The following MSMO1 variants were observed in gnomAD, a reference collection of about 807,000 sequenced individuals.
The protein encoded by MSMO1 is methylsterol monooxygenase 1, also known as C-4 methylsterol oxidase.
MSMO1 carries 18 observed loss-of-function variants against 30.4 expected under a neutral mutation model. That is an observed-to-expected ratio of 0.59 (90% CI 0.41 to 0.88). MSMO1 has a LOEUF of 0.88. Among genes scored for constraint, MSMO1 ranks in the 40% least tolerant of loss-of-function variants. The pLI is 0.00. For synonymous variants in MSMO1, 84 were observed against 107.9 expected (o/e 0.78, Z 1.37); for missense variants, 284 against 340.5 (o/e 0.83, Z 1.31).
chr4:165,335,995 G>A (rs1747533899), intron 2 of MSMO1, among the ~76,000 whole-genome samples: 1 of 152,140 alleles, frequency 6.6e-6, no homozygotes, highest in Non-Finnish European at 1.5e-5. Context: ...TTAACATTGA[G>A]GGTATCAATT....
At chr4:165,338,514 A>G (rs1747624455) in intron 3 of MSMO1, 138 bp from the exon 4 acceptor site, 1 of 694,698 alleles carries the variant, frequency 1.4e-6, no homozygotes, top group Non-Finnish European at 2.5e-6. Flanking sequence ...GAATTTATTT[A>G]TGAATATATC....
chr4:165,330,861 G>T (rs1324636118), intron 1 of MSMO1, among the ~76,000 whole-genome samples: 1 of 152,166 alleles, frequency 6.6e-6, no homozygotes, highest in Non-Finnish European at 1.5e-5. Flanking sequence ...AAGGTGCTGG[G>T]ATTACAGGCG....
At chr4:165,329,992 G>A (rs1747347896) in intron 1 of MSMO1, among the ~76,000 whole-genome samples, 1 of 152,104 alleles carries the variant, frequency 6.6e-6, no homozygotes. Context: ...AATGCAGATT[G>A]CAGTTGCTAG....
chr4:165,341,694 A>G (rs1454763110), intron 5 of MSMO1, 57 bp from the exon 6 acceptor site: 1 of 1,469,930 alleles, frequency 6.8e-7, no homozygotes, highest in Admixed American at 1.7e-5. Context: ...ATTAATAAAA[A>G]CAACAATCAT....
At chr4:165,335,997 G>T (rs1579215419) in intron 2 of MSMO1, among the ~76,000 whole-genome samples, 1 of 152,110 alleles carries the variant, frequency 6.6e-6, no homozygotes, top group Non-Finnish European at 1.5e-5. Flanking sequence ...AACATTGAGG[G>T]TATCAATTGT....
At position 165,333,501 on chromosome 4, in the gene MSMO1, A is replaced by G. The variant is rs1325161528; in HGVS notation, c.131A>G (p.Tyr44Cys). The G allele has an allele frequency of 1.2e-5, 20 of 1,613,676 alleles. No individual in the cohort carries two copies. The highest frequency in any genetic ancestry group is 1.7e-5 in the Non-Finnish European group (20 of 1,179,786). Residue 44 changes from tyrosine (Y) to cysteine (C), a missense_variant, in exon 2 of 6, where the codon TAT (tyrosine) becomes TGT (cysteine). By Grantham distance (194) the Tyr-to-Cys change is radical. Coordinates refer to ENST00000261507, the MANE Select transcript of MSMO1 (RefSeq NM_006745.5). ...GCTTGGAACTATATGTTGAATAATT[A>G]TACAAAGTTCCAGATTGCAACATGG... ...KNAWNYMLNN[Y>C]TKFQIATWGS...
chr4:165,341,809 C>T lies in MSMO1; in HGVS notation c.745C>T (p.His249Tyr), dbSNP rs1747722156. 1 of 1,613,530 alleles carries T rather than the reference C, an allele frequency of 6.2e-7. No homozygotes were observed. The highest frequency in any genetic ancestry group is 8.5e-7 in the Non-Finnish European group (1 of 1,179,690). ...NLIPFYAGSR[H>Y]HDFHHMNFIG... The stretch of plus-strand genomic sequence containing the variant: ...GATCCCTTTCTATGCTGGTTCTCGG[C>T]ATCATGATTTCCACCACATGAACTT... The change falls in exon 6 of 6, where the codon CAT becomes TAT. Residue 249 changes from histidine (H) to tyrosine (Y), a missense_variant. Physicochemically the swap from His to Tyr is moderately conservative, Grantham distance 83 (BLOSUM62 2). Coordinates refer to ENST00000261507, the MANE Select transcript of MSMO1 (RefSeq NM_006745.5).
Position 165,334,882 on chromosome 4 carries a change from A to G in MSMO1, c.255+1257A>G, listed in dbSNP as rs183968192. On this transcript the variant is annotated intron_variant, in intron 2 of 5. Coordinates refer to ENST00000261507, the MANE Select transcript of MSMO1 (RefSeq NM_006745.5). Reference sequence around the variant, plus strand: ...TTAGTACAATTGGCCCTCCATATCCATGGGTTGTTGTATCCATGGATCCAA... The same window carrying G: ...TTAGTACAATTGGCCCTCCATATCCGTGGGTTGTTGTATCCATGGATCCAA... 5.9e-3 allele frequency among the ~76,000 whole-genome samples: 903 copies of G among 152,284 alleles called. 32 individuals are homozygous for G. Among genetic ancestry groups the G allele is most frequent in the Non-Finnish European group, 2.0e-3 (135 of 68,010 alleles).
Position 165,338,672 on chromosome 4 carries a change from GCT to G in MSMO1, c.426_427del (p.Phe143TrpfsTer6). ...TAAAGGTATTTTCTTTTGGCAAGATGCTTTGGTTGTGCAGTCATTGAAGATAC... is the reference window on the plus strand; with the variant it reads ...TAAAGGTATTTTCTTTTGGCAAGATGTTGGTTGTGCAGTCATTGAAGATAC... On this transcript the variant is annotated frameshift_variant, in exon 4 of 6. Transcript: ENST00000261507. LOFTEE classifies it high-confidence loss of function. 17 of 1,609,802 alleles carry G rather than the reference GCT, an allele frequency of 1.1e-5. No individual in the cohort carries two copies. Among genetic ancestry groups the G allele is most frequent in the Non-Finnish European group, 1.4e-5 (16 of 1,176,300 alleles).
In MSMO1 at chr4:165,342,277, A is replaced by T. The variant is rs1747736025; in HGVS notation, c.*331A>T. 1 of 222,908 alleles carries T rather than the reference A, an allele frequency of 4.5e-6. No homozygotes were observed. The highest frequency in any genetic ancestry group is 2.7e-5 in the African/African-American group (1 of 37,328). 13.8% of individuals were successfully genotyped at this position (222,908 alleles called of 1,614,324 possible). On this transcript the variant is annotated 3_prime_UTR_variant, in exon 6 of 6. Transcript: ENST00000261507. ...CAGTAAAACCATAGGCCTGAAGTTC[A>T]CATTGGGTCTTTAAATCTTTTAGAT...
chr4:165,331,985 AACACTGTCCCCTACTCCACC>A (rs1307209668), intron 1 of MSMO1, among the ~76,000 whole-genome samples: 1 of 151,370 alleles, frequency 6.6e-6, no homozygotes, highest in African/African-American at 2.4e-5. Context: ...TGTCTTCCAT[AACACTGTCCCCTACTCCACC>A]ACACTGTCTC....
At chr4:165,332,252 A>G (rs922078144) in intron 1 of MSMO1, among the ~76,000 whole-genome samples, 2 of 152,346 alleles carry the variant, frequency 1.3e-5, no homozygotes, top group Middle Eastern at 3.4e-3. Flanking sequence ...GGCTCTTGCT[A>G]TGCATACTGT....
At chr4:165,341,718 A>G in intron 5 of MSMO1, 33 bp from the exon 6 acceptor site, 2 of 1,525,882 alleles carry the variant, frequency 1.3e-6, no homozygotes, top group Non-Finnish European at 1.8e-6. Context: ...AGATGTATTT[A>G]TTCCTTAATA....
intron 1 of MSMO1, among the ~76,000 whole-genome samples, chr4:165,329,771 A>G (rs1181722714): frequency 2.0e-5 from 3 of 151,704 alleles, no homozygotes; most frequent in South Asian, 2.1e-4. Flanking sequence ...AGTAGGTGGA[A>G]TTACAGGCAT....
Position 165,338,706 on chromosome 4 carries a change from C to G in MSMO1, c.459C>G (p.His153Gln). The G allele has an allele frequency of 3.1e-6, 5 of 1,604,284 alleles. No homozygotes were observed. Among genetic ancestry groups the G allele is most frequent in the African/African-American group, 1.3e-5 (1 of 74,758 alleles). The change falls in exon 4 of 6, where the codon CAC (histidine) becomes CAG (glutamine). Residue 153 changes from histidine (H) to glutamine (Q), a missense_variant. By Grantham distance (24) the His-to-Gln change is conservative. Transcript: ENST00000261507. ...GTGCAGTCATTGAAGATACTTGGCA[C>G]TATTTTCTGCATAGACTCTTACACC... ...FGCAVIEDTW[H>Q]YFLHRLLHHK...
chr4:165,342,942 T>C lies in MSMO1; in HGVS notation c.*996T>C, dbSNP rs746731939. 1.3e-5 allele frequency: 2 copies of C among 152,680 alleles called. No individual in the cohort carries two copies. Among genetic ancestry groups the C allele is most frequent in the Non-Finnish European group, 2.9e-5 (2 of 68,044 alleles). 9.5% of individuals were successfully genotyped at this position (152,680 alleles called of 1,614,324 possible). On this transcript the variant is annotated 3_prime_UTR_variant, in exon 6 of 6. Coordinates refer to ENST00000261507, the MANE Select transcript of MSMO1 (RefSeq NM_006745.5). Reference sequence around the variant, plus strand: ...TTTTTTTAAAAATTGAGGAGCTTTATTTCTATTTACCCTTCCATTTTTGTA... The same window carrying C: ...TTTTTTTAAAAATTGAGGAGCTTTACTTCTATTTACCCTTCCATTTTTGTA...
chr4:165,338,818 A>T, intron 4 of MSMO1, 40 bp downstream of exon 4: 1 of 1,517,366 alleles, frequency 6.6e-7, no homozygotes. Flanking sequence ...GTTAGAGGCA[A>T]AATGTCTATT....
intron 1 of MSMO1, 150 bp from the exon 2 acceptor site, chr4:165,333,190 C>A: frequency 5.5e-6 from 3 of 543,520 alleles, no homozygotes; most frequent in South Asian, 3.4e-5. Flanking sequence ...GGTGTAAAAC[C>A]ATTTGTACTC....
chr4:165,336,284 A>G (rs1747543170), intron 2 of MSMO1, among the ~76,000 whole-genome samples: 1 of 151,914 alleles, frequency 6.6e-6, no homozygotes, highest in Non-Finnish European at 1.5e-5. Context: ...AATTTTCCTC[A>G]AAGATAAATG....
Sources: gnomAD v4.1 joint callset for allele counts (sites outside exome capture counted in the v4.1 genomes callset) on GRCh38, gnomAD v4.1.1 for gene constraint, MANE v1.5 for transcripts, NCBI Gene and HGNC (gene_info 2026-07-23, HGNC 2026-07-21) for gene names.